The following CKAP2 variants were observed in gnomAD, a reference collection of about 807,000 sequenced individuals.
CKAP2 encodes the protein cytoskeleton-associated protein 2.
A neutral mutation model predicts 58.4 loss-of-function variants in CKAP2; 46 were observed. The observed-to-expected ratio is 0.79, with a 90% CI of 0.62 to 1.01. The LOEUF is 1.01. Among genes scored for constraint, CKAP2 ranks in the 50% least tolerant of loss-of-function variants. The pLI, the probability that CKAP2 is intolerant of heterozygous loss-of-function variation, is 0.00. For missense variants in CKAP2, 809 were observed against 796.4 expected (o/e 1.02, Z -0.19); for synonymous variants, 293 against 280.9 (o/e 1.04, Z -0.43).
chr13:52,473,242 A>AT (rs540335070), intron 7 of CKAP2, among the ~76,000 whole-genome samples: 43 of 151,816 alleles, frequency 2.8e-4, no homozygotes, highest in Middle Eastern at 3.4e-3. Flanking sequence ...TCTCTGGTGA[A>AT]TTTTTTTTAC....
At chr13:52,468,409 T>C in intron 7 of CKAP2, 62 bp downstream of exon 7, 1 of 1,041,470 alleles carries the variant, frequency 9.6e-7, no homozygotes, top group South Asian at 1.4e-5. Flanking sequence ...TGTTGTTTTT[T>C]AACTTTTATT....
intron 1 of CKAP2, among the ~76,000 whole-genome samples, 194 bp downstream of exon 1, chr13:52,455,820 G>C (rs980141147): frequency 2.6e-5 from 4 of 152,248 alleles, no homozygotes; most frequent in African/African-American, 7.2e-5. Flanking sequence ...GAACCGCTGC[G>C]TGGTGTTACT....
rs1407269496 is a variant in CKAP2, at chr13:52,465,372, G to A, written c.1383G>A (p.Lys461=). Residue 461 remains lysine (K), a synonymous_variant, in exon 6 of 9, where the codon AAG becomes AAA. Transcript: ENST00000258607. ...KNIPDAKKLV[K]YWICLALIEP... Reference sequence around the variant, plus strand: ...TTCCAGATGCCAAAAAGCTTGTTAAGTATTGGATATGTCTTGCACTTATTG... The same window carrying A: ...TTCCAGATGCCAAAAAGCTTGTTAAATATTGGATATGTCTTGCACTTATTG... 5 of 1,613,314 alleles carry A rather than the reference G, an allele frequency of 3.1e-6. No individual in the cohort carries two copies. The East Asian group carries it at 1.1e-4, about 36-fold the overall frequency.
intron 5 of CKAP2, among the ~76,000 whole-genome samples, chr13:52,463,177 A>C (rs1415596758): frequency 3.3e-5 from 5 of 152,160 alleles, no homozygotes; most frequent in African/African-American, 1.2e-4. Flanking sequence ...ACCTCATGTG[A>C]TCCACCCACC....
At chr13:52,465,804 A>G in intron 6 of CKAP2, 1 of 431,298 alleles carries the variant, frequency 2.3e-6, no homozygotes, top group Non-Finnish European at 4.5e-6. Context: ...TGTTTATTGA[A>G]TATAAAGCAA....
chr13:52,466,585 A>G (rs1308021354), intron 6 of CKAP2, among the ~76,000 whole-genome samples: 2 of 152,236 alleles, frequency 1.3e-5, no homozygotes, highest in African/African-American at 4.8e-5. Flanking sequence ...TGTAGCAAGG[A>G]TGCAAAACTG....
In CKAP2 at chr13:52,461,063, TAAAG is replaced by T. The variant is rs1315939244; in HGVS notation, c.241_244del (p.Glu81ThrfsTer2). On this transcript the variant is annotated frameshift_variant, in exon 4 of 9. Transcript: ENST00000258607. LOFTEE classifies it high-confidence loss of function. ...TTCTTAAATAATTCTTTCAGGCTGA[TAAAG>T]AAAACATGAAGAGACCTGCAGAGAG... The T allele has an allele frequency of 1.8e-5, 29 of 1,598,414 alleles. No homozygotes were observed. Among genetic ancestry groups the T allele is most frequent in the Middle Eastern group, 1.7e-4 (1 of 5,972 alleles).
At chr13:52,462,921 T>G (rs1958608286) in intron 5 of CKAP2, among the ~76,000 whole-genome samples, 1 of 152,142 alleles carries the variant, frequency 6.6e-6, no homozygotes. Context: ...GGGGATGAGA[T>G]CCACAAAGTT....
chr13:52,473,552 C>A, intron 7 of CKAP2: 1 of 287,626 alleles, frequency 3.5e-6, no homozygotes, highest in Non-Finnish European at 6.5e-6. Flanking sequence ...GAAGCATTCC[C>A]TAACCATCTC....
chr13:52,461,995 A>G (rs1474980877), intron 4 of CKAP2, 69 bp downstream of exon 4: 1 of 1,371,624 alleles, frequency 7.3e-7, no homozygotes, highest in Non-Finnish European at 9.7e-7. Flanking sequence ...TTGGATTATA[A>G]TTTCCTTGAC....
chr13:52,473,711 G>T (rs1020576981), intron 7 of CKAP2, 118 bp from the exon 8 acceptor site: 1 of 831,364 alleles, frequency 1.2e-6, no homozygotes, highest in East Asian at 2.5e-5. Flanking sequence ...ATGGTTCAGA[G>T]ATGGCAATCG....
Position 52,456,636 on chromosome 13 carries a change from C to A in CKAP2, c.155+29C>A, listed in dbSNP as rs1175127271. The A allele has an allele frequency of 2.6e-6, 4 of 1,521,976 alleles. No individual in the cohort carries two copies. In the East Asian group the frequency reaches 6.8e-5, roughly 26 times the overall value. 94.3% of individuals were successfully genotyped at this position (1,521,976 alleles called of 1,614,324 possible). On this transcript the variant is annotated intron_variant, in intron 2 of 8. Transcript: ENST00000258607. ...AGGTCAAGTTTATTTCTTTTCACTTCTGTAAAATTGTATCAGATCTGTCCA... is the reference window on the plus strand; with the variant it reads ...AGGTCAAGTTTATTTCTTTTCACTTATGTAAAATTGTATCAGATCTGTCCA...
chr13:52,461,295 C>G lies in CKAP2; in HGVS notation c.469C>G (p.Gln157Glu), dbSNP rs748115410. The change falls in exon 4 of 9, where the codon CAA becomes GAA. Residue 157 changes from glutamine to glutamate, a missense_variant. By Grantham distance (29) the Gln-to-Glu change is conservative. Transcript: ENST00000258607. ...CCTTAAAAACAATAGTAAAAAGAAA[C>G]AAATGACTACAGAAAAACAAAAGCA... Reference protein sequence around the residue: ...FHLKNNSKKKQMTTEKQKQDA... With the variant: ...FHLKNNSKKKEMTTEKQKQDA... The G allele has an allele frequency of 1.2e-6, 2 of 1,613,840 alleles. No homozygotes were observed. Among genetic ancestry groups the G allele is most frequent in the South Asian group, 2.2e-5 (2 of 90,998 alleles).
Position 52,474,906 on chromosome 13 carries a change from A to G in CKAP2, c.1814A>G (p.Lys605Arg). ...GTTTTAATTTTCAGTGTGAAAAAAA[A>G]GGTGCAGTTTGATGGAACAAATTCC... ...TTPYLQSVKK[K>R]VQFDGTNSAF... Residue 605 changes from lysine to arginine, a missense_variant, in exon 9 of 9, where the codon AAG (lysine) becomes AGG (arginine). Transcript: ENST00000258607. The G allele has an allele frequency of 6.2e-7, 1 of 1,606,860 alleles. No individual in the cohort carries two copies.
chr13:52,471,806 G>A (rs979453199), intron 7 of CKAP2, among the ~76,000 whole-genome samples: 2 of 151,846 alleles, frequency 1.3e-5, no homozygotes, highest in African/African-American at 2.4e-5. Context: ...ACTCTCCTTT[G>A]TATAGTCAAG....
Position 52,465,430 on chromosome 13 carries a change from G to T in CKAP2, c.1441G>T (p.Ala481Ser), listed in dbSNP as rs1192621596. Reference sequence around the variant, plus strand: ...CACAAGTCCTATTGAAAATATTATTGCAATCTATGAGAAAGCCATTCTGGC... The same window carrying T: ...CACAAGTCCTATTGAAAATATTATTTCAATCTATGAGAAAGCCATTCTGGC... ...PITSPIENIIAIYEKAILAGA... is the reference protein window; with the variant it reads ...PITSPIENIISIYEKAILAGA... The change falls in exon 6 of 9, where the codon GCA becomes TCA. Residue 481 changes from alanine to serine, a missense_variant. Ala to Ser is a moderately conservative substitution (Grantham distance 99). Coordinates refer to ENST00000258607, the MANE Select transcript of CKAP2 (RefSeq NM_018204.5). 3 of 1,613,308 alleles carry T rather than the reference G, an allele frequency of 1.9e-6. No homozygotes were observed. In the South Asian group the frequency reaches 3.3e-5, roughly 18 times the overall value.
intron 6 of CKAP2, among the ~76,000 whole-genome samples, chr13:52,467,734 A>G (rs1445225153): frequency 6.6e-6 from 1 of 152,066 alleles, no homozygotes; most frequent in Non-Finnish European, 1.5e-5. Flanking sequence ...AAAAAGGAAA[A>G]GAAATTCTAT....
intron 2 of CKAP2, 150 bp from the exon 3 acceptor site, chr13:52,460,749 G>T: frequency 1.5e-6 from 1 of 651,614 alleles, no homozygotes; most frequent in Non-Finnish European, 2.5e-6. Flanking sequence ...ACCGCGCCTG[G>T]CCGCTTAGGA....
At chr13:52,466,424 T>C (rs1958678304) in intron 6 of CKAP2, among the ~76,000 whole-genome samples, 1 of 152,170 alleles carries the variant, frequency 6.6e-6, no homozygotes, top group African/African-American at 2.4e-5. Context: ...AAATAAAAAA[T>C]CAGATATTCA....
Sources: gnomAD v4.1 joint callset for allele counts (sites outside exome capture counted in the v4.1 genomes callset) on GRCh38, gnomAD v4.1.1 for gene constraint, MANE v1.5 for transcripts, NCBI Gene and HGNC (gene_info 2026-07-23, HGNC 2026-07-21) for gene names.